OTC: variants seen among roughly 807,000 people sequenced by gnomAD.
The protein encoded by OTC is ornithine transcarbamylase.
OTC carries 3 observed loss-of-function variants against 30.3 expected under a neutral mutation model. The observed-to-expected ratio is 0.10, with a 90% CI of 0.05 to 0.26. The LOEUF (loss-of-function observed/expected upper bound fraction) is 0.26, where lower values mean the gene tolerates loss of function less well. Ranked by LOEUF, OTC falls within the 10% of genes least tolerant of loss-of-function variation. The pLI is 1.00. For missense variants in OTC, 194 were observed against 260.3 expected, an observed-to-expected ratio of 0.75 and a Z score of 1.75; for synonymous variants, 111 against 99.7, an observed-to-expected ratio of 1.11 and a Z score of -0.67.
intron 3 of OTC, among the ~76,000 whole-genome samples, chrX:38,374,667 G>C (rs144516026): frequency 0.015 from 1,616 of 111,161 alleles, 28 homozygotes; most frequent in African/African-American, 0.05. Context: ...GATTAATCCT[G>C]AGTTGCTATA....
intron 6 of OTC, 66 bp downstream of exon 6, chrX:38,403,806 T>C: frequency 8.8e-7 from 1 of 1,133,668 alleles, no homozygotes; most frequent in East Asian, 3.0e-5. Context: ...AATTACCCAG[T>C]GACAAAAAAA....
chrX:38,369,466 G>A (rs1043009517), intron 2 of OTC, among the ~76,000 whole-genome samples: 2 of 109,117 alleles, frequency 1.8e-5, no homozygotes, highest in African/African-American at 6.7e-5. Context: ...TCCTGCCTCA[G>A]CCTCTCTAGT....
rs924740805 is a variant in OTC, at chrX:38,367,384, A to G, written c.171A>G (p.Leu57=). 2.5e-6 allele frequency: 3 copies of G among 1,200,607 alleles called. No individual in the cohort carries two copies. The highest frequency in any genetic ancestry group is 3.4e-6 in the Non-Finnish European group (3 of 887,004). ...CCGGAGAAGAAATTAAATATATGCT[A>G]TGGCTATCAGCAGATCTGAAATTTA... ...NFTGEEIKYM[L]WLSADLKFRI... is the part of the protein sequence containing the mutation. The change falls in exon 2 of 10, where the codon CTA becomes CTG. Residue 57 remains leucine, a synonymous_variant. Transcript: ENST00000039007.
chrX:38,361,961 A>G (rs1395956474), intron 1 of OTC, among the ~76,000 whole-genome samples: 1 of 110,987 alleles, frequency 9.0e-6, no homozygotes, highest in South Asian at 3.8e-4. Flanking sequence ...TACCATGCAA[A>G]TTAAAAACTG....
the OTC span, among the ~76,000 whole-genome samples, chrX:38,345,216 A>G: frequency 8.9e-6 from 1 of 111,879 alleles, no homozygotes; most frequent in African/African-American, 3.3e-5. Context: ...ATCTAACTTA[A>G]CCGAATCCAT....
rs1307303866 is a variant in OTC at position 38,368,214 on chromosome X, G to T, written c.216+785G>T. On this transcript the variant is annotated intron_variant, in intron 2 of 9. Coordinates refer to ENST00000039007, the MANE Select transcript of OTC (RefSeq NM_000531.6). ...CGTCTCTACTAAAAATAAAAAATTA[G>T]CCGGGCATGGTGGCACATGCCTGCA... 2.7e-5 allele frequency among the ~76,000 whole-genome samples: 3 copies of T among 110,661 alleles called. No individual in the cohort carries two copies. The South Asian group carries it at 1.2e-3, about 43-fold the overall frequency.
chrX:38,393,041 C>G (rs62589223), intron 4 of OTC, among the ~76,000 whole-genome samples: 19,972 of 111,759 alleles, frequency 0.18, 1,560 homozygotes, highest in Middle Eastern at 0.26. Context: ...AGGCCTCAAC[C>G]CAGACCTCCT....
chrX:38,359,401 C>A (rs2068258719), intron 1 of OTC, among the ~76,000 whole-genome samples: 1 of 110,640 alleles, frequency 9.0e-6, no homozygotes, highest in South Asian at 3.8e-4. Context: ...ATTTGCTCTT[C>A]CCTCAACATA....
intron 3 of OTC, among the ~76,000 whole-genome samples, chrX:38,380,595 A>G (rs911602202): frequency 7.2e-5 from 8 of 111,698 alleles, no homozygotes; most frequent in African/African-American, 2.3e-4. Flanking sequence ...ATAAATAAAT[A>G]AAAATGAAAG....
intron 9 of OTC, among the ~76,000 whole-genome samples, chrX:38,419,986 ATAACT>A (rs775204771): frequency 1.8e-5 from 2 of 111,279 alleles, no homozygotes; most frequent in East Asian, 5.6e-4. Flanking sequence ...ATATCTCAAA[ATAACT>A]TAGAGAAGAA....
At chrX:38,350,045 C>T (rs1407057009), upstream of OTC, among the ~76,000 whole-genome samples, 1 of 111,034 alleles carries the variant, frequency 9.0e-6, no homozygotes, top group Non-Finnish European at 1.9e-5. Flanking sequence ...TTTTCTGATT[C>T]TTGCAATTCA....
At chrX:38,343,557 A>G in the OTC span, among the ~76,000 whole-genome samples, 1 of 112,158 alleles carries the variant, frequency 8.9e-6, no homozygotes, top group East Asian at 2.8e-4. Flanking sequence ...TTCTTACTTC[A>G]TAAATTGTGT....
intron 3 of OTC, among the ~76,000 whole-genome samples, chrX:38,371,099 C>G (rs1378938901): frequency 9.0e-6 from 1 of 111,686 alleles, no homozygotes; most frequent in East Asian, 2.8e-4. Flanking sequence ...GAACACATAG[C>G]AGAGTACAGT....
Position 38,375,762 on chromosome X carries a change from G to T in OTC, c.299-5580G>T, listed in dbSNP as rs1396408595. 2.7e-5 allele frequency among the ~76,000 whole-genome samples: 3 copies of T among 111,595 alleles called. No individual in the cohort carries two copies. The Admixed American group carries it at 2.9e-4, about 11-fold the overall frequency. ...GCACATGAGTCTGGAATTTGGGAGT[G>T]AAATCTGGCCTAGAGATATTTGAGT... On this transcript the variant is annotated intron_variant, in intron 3 of 9. Transcript: ENST00000039007.
At position 38,421,436 on chromosome X, in the gene OTC, A is replaced by C. The variant is rs1442663565; in HGVS notation, c.*354A>C. The C allele has an allele frequency of 5.6e-6, 1 of 179,454 alleles. No individual in the cohort carries two copies. The highest frequency in any genetic ancestry group is 1.0e-5 in the Non-Finnish European group (1 of 97,157). 14.8% of individuals were successfully genotyped at this position (179,454 alleles called of 1,213,427 possible). ...ATGCTTATTACCTAAATAAATTATC[A>C]CCCATGCTAATTTATAAGTAAACAT... On this transcript the variant is annotated 3_prime_UTR_variant, in exon 10 of 10. Transcript: ENST00000039007.
chrX:38,333,902 AC>A, the OTC span, among the ~76,000 whole-genome samples: 1 of 112,370 alleles, frequency 8.9e-6, no homozygotes, highest in African/African-American at 3.2e-5. Context: ...TGATTTCTAA[AC>A]TTTTTTAGTG....
chrX:38,333,497 G>A, the OTC span, among the ~76,000 whole-genome samples: 1 of 110,565 alleles, frequency 9.0e-6, no homozygotes, highest in Non-Finnish European at 1.9e-5. Context: ...TTTCGGTGTC[G>A]CCTTCATACA....
chrX:38,422,319 A>G (rs1197768061), downstream of OTC, among the ~76,000 whole-genome samples: 1 of 111,939 alleles, frequency 8.9e-6, no homozygotes, highest in Non-Finnish European at 1.9e-5. Context: ...AAAAACATCA[A>G]ATTTTCCAGT....
the OTC span, among the ~76,000 whole-genome samples, chrX:38,332,655 G>A: frequency 9.3e-6 from 1 of 107,201 alleles, no homozygotes; most frequent in Non-Finnish European, 1.9e-5. Context: ...CTATTAATAA[G>A]GCAAAGGCAG....
Sources: gnomAD v4.1 joint callset for allele counts (sites outside exome capture counted in the v4.1 genomes callset) on GRCh38, gnomAD v4.1.1 for gene constraint, MANE v1.5 for transcripts, NCBI Gene and HGNC (gene_info 2026-07-23, HGNC 2026-07-21) for gene names.